NEK10: variants seen among roughly 807,000 people sequenced by gnomAD.
NEK10 encodes NIMA related kinase 10.
NEK10 carries 122 observed loss-of-function variants against 159.8 expected under a neutral mutation model. The ratio of observed to expected loss-of-function variants is 0.76; its 90% CI spans 0.66 to 0.89. The LOEUF (loss-of-function observed/expected upper bound fraction) is 0.89. NEK10 is among the 40% of genes least tolerant of loss of function. NEK10 has a pLI of 0.00. For missense variants in NEK10, 1,342 were observed against 1,323.1 expected, an observed-to-expected ratio of 1.01 and a Z score of -0.22; for synonymous variants, 466 against 457.1, an observed-to-expected ratio of 1.02 and a Z score of -0.25.
At chr3:27,146,942 A>G (rs758206760) in intron 30 of NEK10, among the ~76,000 whole-genome samples, 3 of 152,208 alleles carry the variant, frequency 2.0e-5, no homozygotes, top group Admixed American at 6.5e-5. Flanking sequence ...AAAAAAGTAC[A>G]GTATGTATAC....
intron 30 of NEK10, among the ~76,000 whole-genome samples, chr3:27,155,459 G>A (rs972186310): frequency 5.3e-5 from 8 of 150,752 alleles, no homozygotes; most frequent in African/African-American, 7.3e-5. Flanking sequence ...CCAAAATTGC[G>A]CCACTGCACA....
chr3:27,162,655 T>A, intron 30 of NEK10, 46 bp downstream of exon 30: 1 of 1,614,038 alleles, frequency 6.2e-7, no homozygotes, highest in African/African-American at 1.3e-5. Flanking sequence ...TTACATTGAA[T>A]TTTAGAGAGT....
chr3:27,267,987 A>G (rs1381866371), intron 22 of NEK10, among the ~76,000 whole-genome samples: 1 of 152,216 alleles, frequency 6.6e-6, no homozygotes, highest in Non-Finnish European at 1.5e-5. Context: ...ATAAGAAAGT[A>G]AAACAGCCTT....
intron 14 of NEK10, 26 bp from the exon 15 acceptor site, chr3:27,295,716 T>C (rs1437683439): frequency 6.4e-7 from 1 of 1,550,624 alleles, no homozygotes; most frequent in Admixed American, 2.0e-5. Flanking sequence ...GGTCATACTA[T>C]GAGTGACAAC....
intron 5 of NEK10, among the ~76,000 whole-genome samples, chr3:27,327,686 T>C (rs1454583054): frequency 6.6e-6 from 1 of 152,200 alleles, no homozygotes; most frequent in East Asian, 1.9e-4. Context: ...CAGGAACTGA[T>C]GCAAATGGCA....
chr3:27,183,704 G>A (rs1336102559), intron 26 of NEK10, among the ~76,000 whole-genome samples: 1 of 151,870 alleles, frequency 6.6e-6, no homozygotes, highest in South Asian at 2.1e-4. Context: ...TCATTATCTG[G>A]CATATATAAA....
At chr3:27,224,521 C>A (rs114822050) in intron 23 of NEK10, among the ~76,000 whole-genome samples, 114 of 152,330 alleles carry the variant, frequency 7.5e-4, no homozygotes, top group African/African-American at 2.6e-3. Context: ...CTCCCACAAT[C>A]GACTCTTCTA....
At chr3:27,263,585 C>T (rs562710570) in intron 22 of NEK10, among the ~76,000 whole-genome samples, 9 of 152,262 alleles carry the variant, frequency 5.9e-5, no homozygotes, top group South Asian at 2.1e-4. Flanking sequence ...TAGCAATGAG[C>T]GAGGCTCCGT....
intron 23 of NEK10, among the ~76,000 whole-genome samples, chr3:27,203,062 G>A (rs1041331121): frequency 3.9e-5 from 6 of 152,174 alleles, no homozygotes; most frequent in African/African-American, 1.4e-4. Context: ...CCTTCTAGGA[G>A]CTTCGGTCCA....
At chr3:27,174,274 T>C (rs1321303346) in intron 28 of NEK10, 165 bp downstream of exon 28, 1 of 536,666 alleles carries the variant, frequency 1.9e-6, no homozygotes, top group Non-Finnish European at 2.4e-6. Flanking sequence ...TGGCTAACCT[T>C]TGGGCTCTGT....
intron 5 of NEK10, among the ~76,000 whole-genome samples, chr3:27,340,892 C>T (rs1282563824): frequency 5.9e-5 from 9 of 152,184 alleles, no homozygotes; most frequent in Admixed American, 6.5e-5. Context: ...GGGATACTTG[C>T]ACTCACATGT....
chr3:27,128,675 T>G (rs1942258974), intron 32 of NEK10, among the ~76,000 whole-genome samples: 1 of 152,058 alleles, frequency 6.6e-6, no homozygotes, highest in South Asian at 2.1e-4. Context: ...CTCTTGGGTT[T>G]AAACCTTATT....
In NEK10 at chr3:27,311,037, G is replaced by A. The variant is rs371394496; in HGVS notation, c.569-21C>T. The A allele has an allele frequency of 1.0e-4, 157 of 1,508,436 alleles. 2 individuals are homozygous for A. The highest frequency in any genetic ancestry group is 5.6e-4 in the South Asian group (50 of 88,826). 93.4% of individuals were successfully genotyped at this position (1,508,436 alleles called of 1,614,324 possible). On this transcript the variant is annotated intron_variant, in intron 8 of 35. Coordinates refer to ENST00000691995, the MANE Select transcript of NEK10 (RefSeq NM_001394966.1). ...AATATCTATAAAGGAAAGAAAGAGC[G>A]CAAAGAGGCATCCAGAGATTAAAGG...
At chr3:27,191,405 A>G (rs980798742) in intron 26 of NEK10, among the ~76,000 whole-genome samples, 1 of 152,244 alleles carries the variant, frequency 6.6e-6, no homozygotes, top group African/African-American at 2.4e-5. Context: ...AAGACACAGA[A>G]GAAAGAAAAT....
intron 23 of NEK10, chr3:27,252,313 C>G: frequency 2.3e-6 from 1 of 443,216 alleles, no homozygotes; most frequent in South Asian, 1.6e-5. Context: ...GGCATTTAAG[C>G]AAAGAGCAGA....
At chr3:27,197,067 A>G (rs1223784157) in intron 25 of NEK10, among the ~76,000 whole-genome samples, 1 of 152,134 alleles carries the variant, frequency 6.6e-6, no homozygotes, top group Non-Finnish European at 1.5e-5. Context: ...ACTTTGTGTA[A>G]TCATCACATC....
At chr3:27,291,417 G>A in intron 17 of NEK10, 27 bp from the exon 18 acceptor site, 2 of 1,608,850 alleles carry the variant, frequency 1.2e-6, no homozygotes, top group Non-Finnish European at 1.7e-6. Flanking sequence ...AAGGAAATGG[G>A]TTTCTGTGAT....
chr3:27,191,022 C>A (rs1439018525), intron 26 of NEK10, among the ~76,000 whole-genome samples: 2 of 152,158 alleles, frequency 1.3e-5, no homozygotes, highest in Non-Finnish European at 2.9e-5. Flanking sequence ...GAGTTTCCTT[C>A]CCAAATGAAA....
Position 27,304,935 on chromosome 3 carries a change from C to G in NEK10, c.840G>C (p.Glu280Asp). Residue 280 changes from glutamate to aspartate, a missense_variant, in exon 12 of 36, where the codon GAG becomes GAC. Transcript: ENST00000691995. ...GCTTCACCTGCTCTTTCACCTGGGG[C>G]TCTGCACAAAGTAGGCGCAGCAACT... is the stretch of plus-strand genomic sequence containing the variant. ...TAELLRLLCAEPQVKEQVKLY... is the reference protein window; with the variant it reads ...TAELLRLLCADPQVKEQVKLY... 1 of 1,613,324 alleles carries G rather than the reference C, an allele frequency of 6.2e-7. No individual in the cohort carries two copies. The highest frequency in any genetic ancestry group is 8.5e-7 in the Non-Finnish European group (1 of 1,179,720).
Sources: gnomAD v4.1 joint callset for allele counts (sites outside exome capture counted in the v4.1 genomes callset) on GRCh38, gnomAD v4.1.1 for gene constraint, MANE v1.5 for transcripts, NCBI Gene and HGNC (gene_info 2026-07-23, HGNC 2026-07-21) for gene names.